C12orf42: variants seen among roughly 807,000 people sequenced by gnomAD.
The protein encoded by C12orf42 is chromosome 12 open reading frame 42.
In C12orf42, 25 loss-of-function variants were observed where a neutral mutation model predicts 21.6. That is an observed-to-expected ratio of 1.16 (90% CI 0.84 to 1.62). The LOEUF (loss-of-function observed/expected upper bound fraction) is 1.62. Ranked by LOEUF, C12orf42 falls within the 40% of genes most tolerant of loss-of-function variation. The probability of loss-of-function intolerance (pLI) is 0.00; values close to 1 mark genes in which losing one functional copy is unlikely to be tolerated. For synonymous variants in C12orf42, 174 were observed against 175.0 expected (o/e 0.99, Z 0.05); for missense variants, 483 against 459.3 (o/e 1.05, Z -0.47).
the C12orf42 span, among the ~76,000 whole-genome samples, chr12:103,069,859 T>C: frequency 0.14 from 21,420 of 152,192 alleles, 1,623 homozygotes; most frequent in East Asian, 0.26. Flanking sequence ...TCTCACCATG[T>C]CCTTTGAAAA....
chr12:103,392,942 C>T (rs1018071786), intron 3 of C12orf42, among the ~76,000 whole-genome samples: 3 of 152,150 alleles, frequency 2.0e-5, no homozygotes, highest in African/African-American at 7.2e-5. Context: ...GAGGTGGTGG[C>T]AGGTGGTATC....
chr12:103,143,894 G>A, the C12orf42 span, among the ~76,000 whole-genome samples: 1 of 152,172 alleles, frequency 6.6e-6, no homozygotes, highest in Admixed American at 6.6e-5. Context: ...TCTAGTCTCA[G>A]CTTTCCCATT....
chr12:103,375,636 T>C (rs2045626702), intron 3 of C12orf42, among the ~76,000 whole-genome samples: 2 of 152,306 alleles, frequency 1.3e-5, no homozygotes, highest in African/African-American at 4.8e-5. Flanking sequence ...GTTCAGCTTG[T>C]AGGTTCAGAT....
At chr12:103,389,388 T>C (rs897355707) in intron 3 of C12orf42, among the ~76,000 whole-genome samples, 10 of 152,216 alleles carry the variant, frequency 6.6e-5, no homozygotes, top group Admixed American at 3.9e-4. Context: ...CTTCTCAGGA[T>C]CTGCTCTCCT....
chr12:103,362,691 A>C (rs2044223734), intron 4 of C12orf42, among the ~76,000 whole-genome samples: 1 of 152,110 alleles, frequency 6.6e-6, no homozygotes, highest in Non-Finnish European at 1.5e-5. Flanking sequence ...ACTTAGAGAA[A>C]TGCAAAAGCT....
chr12:103,142,944 T>A, the C12orf42 span, among the ~76,000 whole-genome samples: 827 of 152,278 alleles, frequency 5.4e-3, 9 homozygotes, highest in East Asian at 0.049. Context: ...CTATTTAATA[T>A]ACAAAACTGC....
the C12orf42 span, among the ~76,000 whole-genome samples, chr12:103,116,433 A>G: frequency 1.3e-5 from 2 of 149,718 alleles, no homozygotes; most frequent in Admixed American, 1.3e-4. Flanking sequence ...TAAATTTGGG[A>G]AGATAGGGAA....
the C12orf42 span, among the ~76,000 whole-genome samples, chr12:103,208,365 C>T: frequency 6.6e-6 from 1 of 152,146 alleles, no homozygotes; most frequent in Non-Finnish European, 1.5e-5. Flanking sequence ...CACCCACACT[C>T]TTGCGTAAAA....
chr12:103,257,016 T>C (rs1332765483), intron 10 of C12orf42, among the ~76,000 whole-genome samples: 1 of 152,140 alleles, frequency 6.6e-6, no homozygotes, highest in Non-Finnish European at 1.5e-5. Context: ...ATATACACCA[T>C]GAAATATTAT....
chr12:103,063,110 A>T, the C12orf42 span, among the ~76,000 whole-genome samples: 2 of 152,166 alleles, frequency 1.3e-5, no homozygotes, highest in Non-Finnish European at 2.9e-5. Flanking sequence ...AATACCTTTG[A>T]CTATGTGTGG....
chr12:103,052,865 A>G, the C12orf42 span, among the ~76,000 whole-genome samples: 10 of 152,012 alleles, frequency 6.6e-5, no homozygotes, highest in Non-Finnish European at 1.0e-4. Flanking sequence ...TTTTTTCCAT[A>G]TGGATAATCA....
chr12:103,322,240 C>G (rs540202055), intron 4 of C12orf42, among the ~76,000 whole-genome samples: 2 of 152,268 alleles, frequency 1.3e-5, no homozygotes, highest in South Asian at 4.1e-4. Flanking sequence ...CTTCCCTTCT[C>G]TGGCTGCAAT....
intron 4 of C12orf42, among the ~76,000 whole-genome samples, chr12:103,285,339 C>T (rs1037192447): frequency 6.6e-6 from 1 of 152,150 alleles, no homozygotes; most frequent in African/African-American, 2.4e-5. Context: ...ATTAACCTTC[C>T]TAAGGATCCA....
the C12orf42 span, among the ~76,000 whole-genome samples, chr12:103,100,721 A>G: frequency 6.6e-6 from 1 of 152,206 alleles, no homozygotes; most frequent in Admixed American, 6.5e-5. Context: ...ATTTCTAATG[A>G]CAAGATAGGT....
chr12:103,168,194 C>G, the C12orf42 span: 6 of 414,578 alleles, frequency 1.4e-5, no homozygotes, highest in African/African-American at 1.3e-4. Flanking sequence ...CTTCTGCTTA[C>G]ACCAATCCAT....
At chr12:103,547,385 C>T in the C12orf42 span, among the ~76,000 whole-genome samples, 1 of 152,220 alleles carries the variant, frequency 6.6e-6, no homozygotes, top group African/African-American at 2.4e-5. Flanking sequence ...AGAGCTATAA[C>T]TCAGAAAAGC....
chr12:103,543,607 T>G, the C12orf42 span, among the ~76,000 whole-genome samples: 1 of 150,942 alleles, frequency 6.6e-6, no homozygotes, highest in African/African-American at 2.5e-5. Context: ...AATGGGAATC[T>G]GTCTCAAAAA....
chr12:103,550,183 G>A, the C12orf42 span, among the ~76,000 whole-genome samples: 1 of 151,798 alleles, frequency 6.6e-6, no homozygotes, highest in East Asian at 1.9e-4. Context: ...ATATTTTAAC[G>A]AATTTCCTTT....
chr12:103,493,986 A>G (rs1198291728), intron 1 of C12orf42, among the ~76,000 whole-genome samples: 4 of 152,234 alleles, frequency 2.6e-5, no homozygotes, highest in Non-Finnish European at 4.4e-5. Flanking sequence ...AGAATTTACC[A>G]AAACGAAGGC....
Sources: allele counts gnomAD v4.1 joint callset (sites outside exome capture counted in the v4.1 genomes callset), GRCh38; gene constraint gnomAD v4.1.1; transcripts MANE v1.5; gene names NCBI Gene and HGNC (gene_info 2026-07-23, HGNC 2026-07-21).